IFT80: variants seen among roughly 807,000 people sequenced by gnomAD.
IFT80 encodes intraflagellar transport 80, also known as intraflagellar transport protein 80 homolog.
IFT80 carries 79 observed loss-of-function variants against 107.9 expected under a neutral mutation model. The ratio of observed to expected loss-of-function variants is 0.73; its 90% CI spans 0.61 to 0.88. IFT80 has a LOEUF of 0.88. IFT80 is among the 40% of genes least tolerant of loss of function. IFT80 has a pLI of 0.00. For synonymous variants in IFT80, 299 were observed against 300.9 expected (o/e 0.99, Z 0.07); for missense variants, 797 against 914.2 (o/e 0.87, Z 1.65).
intron 9 of IFT80, among the ~76,000 whole-genome samples, chr3:160,314,836 A>G (rs995687892): frequency 4.6e-5 from 7 of 152,118 alleles, no homozygotes; most frequent in African/African-American, 1.7e-4. Context: ...TGTTGCTAAG[A>G]GAGTTCTCAG....
rs143676033 is a variant in IFT80 at position 160,330,922 on chromosome 3, C to T, written c.778-10983G>A. Among the ~76,000 whole-genome samples, 117 of 152,252 alleles carry T rather than the reference C, an allele frequency of 7.7e-4. No individual in the cohort carries two copies. In the East Asian group the frequency reaches 0.014, roughly 18 times the overall value. On this transcript the variant is annotated intron_variant, in intron 8 of 19. Coordinates refer to ENST00000326448, the MANE Select transcript of IFT80 (RefSeq NM_020800.3). ...TTGTCCACAGGGATAGGTTCCAAGA[C>T]CCTCAGTGGAGGCCTGAAGCCACAG... is the stretch of plus-strand genomic sequence containing the variant.
At chr3:160,384,007 G>C in intron 2 of IFT80, 3 of 865,828 alleles carry the variant, frequency 3.5e-6, no homozygotes, top group Non-Finnish European at 4.2e-6. Flanking sequence ...CACTTTGGGA[G>C]GCTGGGGCGG....
At chr3:160,263,721 T>C (rs1283026247) in intron 19 of IFT80, among the ~76,000 whole-genome samples, 1 of 152,104 alleles carries the variant, frequency 6.6e-6, no homozygotes, top group African/African-American at 2.4e-5. Flanking sequence ...CTGTTGCCCA[T>C]GCTGGAGTGC....
intron 1 of IFT80, among the ~76,000 whole-genome samples, chr3:160,396,251 A>T (rs1416410498): frequency 6.6e-6 from 1 of 152,098 alleles, no homozygotes; most frequent in African/African-American, 2.4e-5. Flanking sequence ...TATATTATCA[A>T]GAGGAATATT....
At chr3:160,322,057 T>C (rs1370189129) in intron 8 of IFT80, among the ~76,000 whole-genome samples, 1 of 151,168 alleles carries the variant, frequency 6.6e-6, no homozygotes, top group Non-Finnish European at 1.5e-5. Context: ...TATTATACTT[T>C]AAGTTTTAGG....
intron 1 of IFT80, among the ~76,000 whole-genome samples, chr3:160,385,734 T>G (rs1426993829): frequency 6.6e-6 from 1 of 152,212 alleles, no homozygotes; most frequent in Non-Finnish European, 1.5e-5. Flanking sequence ...ACTTCTTAAG[T>G]TCACTTTTTT....
At chr3:160,311,993 G>A (rs1380093711) in intron 9 of IFT80, among the ~76,000 whole-genome samples, 1 of 152,180 alleles carries the variant, frequency 6.6e-6, no homozygotes, top group African/African-American at 2.4e-5. Context: ...GTGTTAGCCA[G>A]GATGGCCTCG....
intron 9 of IFT80, among the ~76,000 whole-genome samples, chr3:160,312,083 T>A (rs1158012816): frequency 1.3e-5 from 2 of 152,146 alleles, no homozygotes; most frequent in African/African-American, 4.8e-5. Context: ...GCCCGGCCAG[T>A]AGTCAGCTGT....
At chr3:160,341,261 C>T (rs1422672674) in intron 8 of IFT80, among the ~76,000 whole-genome samples, 1 of 151,942 alleles carries the variant, frequency 6.6e-6, no homozygotes, top group Non-Finnish European at 1.5e-5. Flanking sequence ...ATCTGCCTGC[C>T]TTGGCCTCCC....
At position 160,282,594 on chromosome 3, in the gene IFT80, G is replaced by T; in HGVS notation, c.1400C>A (p.Ala467Asp). The part of the protein sequence containing the change: ...LSHKNEILEI[A>D]LDQKGLTNDR... The stretch of plus-strand genomic sequence containing the variant: ...ATTGGTAAGTCCTTTTTGATCCAGA[G>T]CAATTTCCAAGATTTCATTCTAAAA... The change falls in exon 14 of 20, where the codon GCT becomes GAT. Residue 467 changes from alanine (A) to aspartate (D), a missense_variant. Coordinates refer to ENST00000326448, the MANE Select transcript of IFT80 (RefSeq NM_020800.3). 1 of 1,586,258 alleles carries T rather than the reference G, an allele frequency of 6.3e-7. No homozygotes were observed. Among genetic ancestry groups the T allele is most frequent in the Non-Finnish European group, 8.6e-7 (1 of 1,158,006 alleles).
chr3:160,365,675 C>CT (rs1424513462), intron 6 of IFT80, among the ~76,000 whole-genome samples: 1 of 152,056 alleles, frequency 6.6e-6, no homozygotes, highest in Non-Finnish European at 1.5e-5. Context: ...GTGTCACTAA[C>CT]TAAGAGATGT....
chr3:160,392,141 T>A (rs1713432127), intron 1 of IFT80, among the ~76,000 whole-genome samples: 1 of 152,176 alleles, frequency 6.6e-6, no homozygotes, highest in African/African-American at 2.4e-5. Flanking sequence ...GGTGTTGGCA[T>A]TTACTTCACT....
intron 9 of IFT80, among the ~76,000 whole-genome samples, chr3:160,313,878 G>GA (rs1427004405): frequency 6.6e-6 from 1 of 152,060 alleles, no homozygotes; most frequent in Non-Finnish European, 1.5e-5. Context: ...AAAGTGCTGG[G>GA]ATGATAGGTG....
intron 12 of IFT80, among the ~76,000 whole-genome samples, chr3:160,290,010 A>C (rs571750786): frequency 6.6e-6 from 1 of 152,228 alleles, no homozygotes; most frequent in East Asian, 1.9e-4. Flanking sequence ...TTGAATGAAA[A>C]CTGGAGAGTT....
At chr3:160,344,112 G>A (rs1307344725) in intron 8 of IFT80, among the ~76,000 whole-genome samples, 1 of 152,142 alleles carries the variant, frequency 6.6e-6, no homozygotes, top group Non-Finnish European at 1.5e-5. Context: ...AATGGGAATG[G>A]CATAACATTG....
At chr3:160,354,697 A>C (rs1353027459) in intron 8 of IFT80, among the ~76,000 whole-genome samples, 1 of 152,022 alleles carries the variant, frequency 6.6e-6, no homozygotes, top group African/African-American at 2.4e-5. Flanking sequence ...AATGAATGGG[A>C]CTCACTATGG....
At chr3:160,303,856 G>A (rs1227926730) in intron 11 of IFT80, 59 bp downstream of exon 11, 2 of 1,036,692 alleles carry the variant, frequency 1.9e-6, no homozygotes, top group Non-Finnish European at 3.1e-6. Flanking sequence ...TTTTATTAAA[G>A]AGTGCTTTAA....
At chr3:160,320,546 G>T (rs1718129372) in intron 8 of IFT80, among the ~76,000 whole-genome samples, 1 of 151,684 alleles carries the variant, frequency 6.6e-6, no homozygotes, top group African/African-American at 2.4e-5. Flanking sequence ...AGATTCTTGT[G>T]TGTGTGTCTA....
chr3:160,270,844 T>C (rs1391962340), intron 18 of IFT80, among the ~76,000 whole-genome samples: 1 of 152,190 alleles, frequency 6.6e-6, no homozygotes, highest in African/African-American at 2.4e-5. Flanking sequence ...TCCCATTCTT[T>C]CTTTATGATT....
Sources: gnomAD v4.1 joint callset for allele counts (sites outside exome capture counted in the v4.1 genomes callset) on GRCh38, gnomAD v4.1.1 for gene constraint, MANE v1.5 for transcripts, NCBI Gene and HGNC (gene_info 2026-07-23, HGNC 2026-07-21) for gene names.